The following OTOF variants were observed in gnomAD, a reference collection of about 807,000 sequenced individuals.
The protein encoded by OTOF is otoferlin, also known as fer-1-like family member 2.
In OTOF, 218 loss-of-function variants were observed where a neutral mutation model predicts 236.8. The observed-to-expected ratio is 0.92, with a 90% confidence interval of 0.82 to 1.03. OTOF has a LOEUF of 1.03. Ranked by LOEUF, OTOF falls within the 50% of genes least tolerant of loss-of-function variation. The pLI is 0.00. For missense variants in OTOF, 2,590 were observed against 2,694.4 expected (o/e 0.96, Z 0.86); for synonymous variants, 1,041 against 1,072.5 (o/e 0.97, Z 0.57).
At chr2:26,471,908 CCA>C (rs1664996477) in intron 30 of OTOF, among the ~76,000 whole-genome samples, 1 of 151,548 alleles carries the variant, frequency 6.6e-6, no homozygotes, top group Admixed American at 6.6e-5. Flanking sequence ...TGCATATATA[CCA>C]CACTCATGCA....
chr2:26,468,420 C>A lies in OTOF; in HGVS notation c.4078G>T (p.Asp1360Tyr). Residue 1360 changes from aspartate (D) to tyrosine (Y), a missense_variant, in exon 33 of 47, where the codon GAC becomes TAC. By Grantham distance (160) the Asp-to-Tyr change is radical. Around this residue, in one of 2 missense-constraint regions of OTOF, gnomAD observed 1,211 missense variants for 1,352.8 expected, o/e 0.90. Transcript: ENST00000272371. The stretch of plus-strand genomic sequence containing the variant: ...TTCCAGGGCTCACCCTCGGTATTGT[C>A]CACTTCCTCCTTCTCCTCCAAGTCA... ...GIDLEEKEEV[D>Y]NTEGLKGSMK... 1 of 1,613,888 alleles carries A rather than the reference C, an allele frequency of 6.2e-7. No individual in the cohort carries two copies. Among genetic ancestry groups the A allele is most frequent in the Non-Finnish European group, 8.5e-7 (1 of 1,179,802 alleles).
chr2:26,530,884 C>T (rs537385990), intron 2 of OTOF, among the ~76,000 whole-genome samples: 1 of 152,228 alleles, frequency 6.6e-6, no homozygotes, highest in South Asian at 2.1e-4. Context: ...TGTGGGGCCT[C>T]GGAGGGTGAC....
intron 5 of OTOF, among the ~76,000 whole-genome samples, chr2:26,514,591 T>C (rs1666474097): frequency 6.6e-6 from 1 of 152,200 alleles, no homozygotes; most frequent in Non-Finnish European, 1.5e-5. Context: ...TTCCCATGGA[T>C]GTGACCCACA....
Position 26,477,064 on chromosome 2 carries a change from A to AG in OTOF, c.2524-22dup. The stretch of plus-strand genomic sequence containing the variant: ...TGGGGCTGGGGGTTGGGGGGTGGCC[A>AG]GGGGCAGTGGGTAAGGGGGTCTAGC... On this transcript the variant is annotated intron_variant, in intron 21 of 46. Transcript: ENST00000272371. This position sits in a 1 kb window ranked among gnomAD's most constrained non-coding sequence, Gnocchi z 4.7. 1 of 864,294 alleles carries AG rather than the reference A, an allele frequency of 1.2e-6. No individual in the cohort carries two copies. Among genetic ancestry groups the AG allele is most frequent in the Non-Finnish European group, 1.8e-6 (1 of 544,654 alleles). The allele number at this position is 864,294 out of a possible 1,614,324, so 53.5% of individuals were successfully genotyped here.
chr2:26,511,358 G>A (rs1048547227), intron 5 of OTOF, among the ~76,000 whole-genome samples: 23 of 152,294 alleles, frequency 1.5e-4, no homozygotes, highest in African/African-American at 4.6e-4. Flanking sequence ...AGGGCTCAGA[G>A]CAGGGAAAAA....
At chr2:26,529,460 T>C (rs1349271097) in intron 2 of OTOF, among the ~76,000 whole-genome samples, 2 of 151,860 alleles carry the variant, frequency 1.3e-5, no homozygotes, top group Non-Finnish European at 2.9e-5. Flanking sequence ...GCCGGAGAGG[T>C]GGGTAATGGC....
intron 5 of OTOF, among the ~76,000 whole-genome samples, chr2:26,504,302 G>A (rs1318015181): frequency 6.6e-6 from 1 of 152,180 alleles, no homozygotes; most frequent in African/African-American, 2.4e-5. Flanking sequence ...CATCAGAACG[G>A]CGGGGCAGGG....
Position 26,470,698 on chromosome 2 carries a change from C to G in OTOF, c.3918G>C (p.Lys1306Asn), listed in dbSNP as rs774929350. The stretch of plus-strand genomic sequence containing the variant: ...CCTCCGCAGTGCCCTTCTTCTTCTT[C>G]TTCTTCTCCTTCTCCTCCTCAGCCT... ...VDVAEEEKEK[K>N]KKKKGTAEEP... Residue 1306 changes from lysine (K) to asparagine (N), a missense_variant, in exon 32 of 47, where the codon AAG becomes AAC. Transcript: ENST00000272371. The surrounding 1 kb of genome is among the most constrained non-coding windows in gnomAD (Gnocchi z 4.3). 2.5e-5 allele frequency: 41 copies of G among 1,613,746 alleles called. 2 individuals carry two copies. The Middle Eastern group carries it at 4.6e-3, about 182-fold the overall frequency.
rs757887566 is a variant in OTOF, at chr2:26,473,206, G to A, written c.3659C>T (p.Ser1220Phe). Residue 1220 changes from serine (S) to phenylalanine (F), a missense_variant, in exon 29 of 47, where the codon TCC becomes TTC. Around this residue, in one of 2 missense-constraint regions of OTOF, gnomAD observed 1,211 missense variants for 1,352.8 expected, o/e 0.90. Transcript: ENST00000272371. The surrounding 1 kb of genome is among the most constrained non-coding windows in gnomAD (Gnocchi z 7.2). ...GCGTCGCAGGGAGCTGACGGCATGG[G>A]AGCCCACCAGTGTGTAGCGACCGAA... ...RAFGRYTLVG[S>F]HAVSSLRRFI... 6.2e-7 allele frequency: 1 copy of A among 1,613,226 alleles called. No individual in the cohort carries two copies. Among genetic ancestry groups the A allele is most frequent in the South Asian group, 1.1e-5 (1 of 91,084 alleles).
chr2:26,547,073 C>T (rs1331512263), intron 1 of OTOF, among the ~76,000 whole-genome samples: 1 of 152,168 alleles, frequency 6.6e-6, no homozygotes, highest in Non-Finnish European at 1.5e-5. Flanking sequence ...TTGCCTGACT[C>T]ATGATCTTAA....
At chr2:26,505,605 G>C (rs749034934) in intron 5 of OTOF, among the ~76,000 whole-genome samples, 1 of 152,204 alleles carries the variant, frequency 6.6e-6, no homozygotes, top group African/African-American at 2.4e-5. Context: ...CTCAGAGAGG[G>C]GACAATAATC....
intron 9 of OTOF, among the ~76,000 whole-genome samples, chr2:26,492,479 A>G (rs1004794855): frequency 6.6e-6 from 1 of 152,264 alleles, no homozygotes; most frequent in African/African-American, 2.4e-5. Context: ...AGTCAGTCTT[A>G]GAGGAAGTAA....
intron 3 of OTOF, among the ~76,000 whole-genome samples, chr2:26,523,256 G>C (rs1443714755): frequency 6.6e-6 from 1 of 152,196 alleles, no homozygotes; most frequent in Non-Finnish European, 1.5e-5. Flanking sequence ...CTTTCTCATG[G>C]GGAAGCCCAA....
chr2:26,510,217 TG>T (rs1263556206), intron 5 of OTOF, among the ~76,000 whole-genome samples: 4 of 152,090 alleles, frequency 2.6e-5, no homozygotes, highest in African/African-American at 9.7e-5. Context: ...CTAAGCTTTC[TG>T]GGGGTCTCCA....
rs368947038 is a variant in OTOF, at chr2:26,489,219, G to A, written c.1037C>T (p.Ser346Leu). ...CATGCGCAGGTACTCACCTGGCTGC[G>A]AGTACACGGTTCCCACGTCCATTTT... ...SFKMDVGTVYSQPEHQFHHKW... is the reference protein window; with the variant it reads ...SFKMDVGTVYLQPEHQFHHKW... Residue 346 changes from serine (S) to leucine (L), a missense_variant, in exon 11 of 47, where the codon TCG (serine) becomes TTG (leucine). Transcript: ENST00000272371. 2.0e-5 allele frequency: 32 copies of A among 1,611,126 alleles called. No homozygotes were observed. Among genetic ancestry groups the A allele is most frequent in the African/African-American group, 4.0e-5 (3 of 74,862 alleles).
intron 32 of OTOF, among the ~76,000 whole-genome samples, chr2:26,469,114 G>C (rs1248640148): frequency 6.6e-6 from 1 of 152,032 alleles, no homozygotes; most frequent in South Asian, 2.1e-4. Flanking sequence ...AAAAAGTACA[G>C]TGCATTTTAA....
chr2:26,508,226 TC>T (rs1480312707), intron 5 of OTOF, among the ~76,000 whole-genome samples: 1 of 152,200 alleles, frequency 6.6e-6, no homozygotes, highest in Non-Finnish European at 1.5e-5. Context: ...GGGTCTGTGG[TC>T]CTTCTTTGCA....
intron 4 of OTOF, among the ~76,000 whole-genome samples, chr2:26,518,412 C>T (rs1666588486): frequency 6.6e-6 from 1 of 152,222 alleles, no homozygotes; most frequent in African/African-American, 2.4e-5. Context: ...CTGTTCCTCA[C>T]CATCATGCCA....
chr2:26,476,901 AG>A lies in OTOF; in HGVS notation c.2665del (p.Leu889SerfsTer111). On this transcript the variant is annotated frameshift_variant, in exon 22 of 47. Coordinates refer to ENST00000272371, the MANE Select transcript of OTOF (RefSeq NM_194248.3). LOFTEE classifies it high-confidence loss of function. ...TGCCCCCTCCAGCACCTTAAGGAAG[AG>A]CGTCTTGACCTTGGCGCAGTCCTTG... ...TGKDCAKVKT[L>X]FLKLPGKRGF... 1 of 1,610,248 alleles carries A rather than the reference AG, an allele frequency of 6.2e-7. No individual in the cohort carries two copies. The highest frequency in any genetic ancestry group is 8.5e-7 in the Non-Finnish European group (1 of 1,179,766).
Sources: allele counts gnomAD v4.1 joint callset (sites outside exome capture counted in the v4.1 genomes callset), GRCh38; gene constraint gnomAD v4.1.1; regional missense constraint gnomAD v4.1.1; non-coding constraint Gnocchi (gnomAD v3.1); transcripts MANE v1.5; gene names NCBI Gene and HGNC (gene_info 2026-07-23, HGNC 2026-07-21).